The following OTUD7B variants were observed in gnomAD, a reference collection of about 807,000 sequenced individuals.
The protein encoded by OTUD7B is OTU deubiquitinase 7B, also known as OTU domain-containing protein 7B.
OTUD7B carries 34 observed loss-of-function variants against 82.2 expected under a neutral mutation model. That is an observed-to-expected ratio of 0.41 (90% CI 0.31 to 0.55). OTUD7B has a LOEUF of 0.55. Ranked by LOEUF, OTUD7B falls within the 20% of genes least tolerant of loss-of-function variation. The pLI is 0.20. For missense variants in OTUD7B, 944 were observed against 1,062.1 expected (o/e 0.89, Z 1.55); for synonymous variants, 398 against 402.7 (o/e 0.99, Z 0.14).
At chr1:149,988,558 T>G (rs1460335184) in intron 1 of OTUD7B, among the ~76,000 whole-genome samples, 4 of 152,142 alleles carry the variant, frequency 2.6e-5, no homozygotes, top group African/African-American at 9.7e-5. Flanking sequence ...TTTGGGAAAT[T>G]TAATAATTTG....
chr1:150,029,885 T>C, the OTUD7B span, among the ~76,000 whole-genome samples: 4 of 152,152 alleles, frequency 2.6e-5, no homozygotes, highest in Non-Finnish European at 5.9e-5. Context: ...ACCCCTCTTT[T>C]AGCACCACAG....
rs782233690 is a variant in OTUD7B at position 149,944,777 on chromosome 1, C to A, written c.1612G>T (p.Gly538Trp). The A allele has an allele frequency of 3.3e-5, 54 of 1,614,014 alleles. No homozygotes were observed. Among genetic ancestry groups the A allele is most frequent in the Non-Finnish European group, 4.5e-5 (53 of 1,180,038 alleles). Residue 538 changes from glycine (G) to tryptophan (W), a missense_variant, in exon 12 of 12, where the codon GGG (glycine) becomes TGG (tryptophan). Gly to Trp is a radical substitution (Grantham distance 184). This residue lies in a region of OTUD7B where 412 missense variants were observed against 418.7 expected (regional missense o/e 0.98). Transcript: ENST00000581312. Reference protein sequence around the residue: ...KGSKPGGVGTGLGGSSGTETL... With the variant: ...KGSKPGGVGTWLGGSSGTETL... ...TCAGTGCCGCTGCTTCCTCCCAACC[C>A]TGTCCCCACCCCTCCAGGCTTTGAA...
chr1:150,061,836 A>G, the OTUD7B span, among the ~76,000 whole-genome samples: 35 of 152,212 alleles, frequency 2.3e-4, no homozygotes, highest in Admixed American at 2.2e-3. Context: ...ATTCACTGTA[A>G]GTTTCCTCCT....
chr1:150,002,356 A>G (rs1324944270), intron 1 of OTUD7B, among the ~76,000 whole-genome samples: 1 of 152,192 alleles, frequency 6.6e-6, no homozygotes, highest in Non-Finnish European at 1.5e-5. Context: ...CAACAAAACA[A>G]ATACCTTGAC....
chr1:150,035,677 A>G, the OTUD7B span, among the ~76,000 whole-genome samples: 10 of 152,208 alleles, frequency 6.6e-5, 1 homozygote, highest in African/African-American at 2.2e-4. Context: ...GAACAGTGCT[A>G]GGTAGGGGGA....
Position 149,967,434 on chromosome 1 carries a change from C to T in OTUD7B, c.362G>A (p.Gly121Glu), listed in dbSNP as rs907247627. ...RSHVSSNGGG[G>E]GSNEHPLEMP... Reference sequence around the variant, plus strand: ...TTCCAGGGGGTGCTCATTGCTCCCCCCACCCCCACCATTGGAGGAGACATG... The same window carrying T: ...TTCCAGGGGGTGCTCATTGCTCCCCTCACCCCCACCATTGGAGGAGACATG... The change falls in exon 4 of 12, where the codon GGG becomes GAG. Residue 121 changes from glycine (G) to glutamate (E), a missense_variant. By Grantham distance (98) the Gly-to-Glu change is moderately conservative (BLOSUM62 -2). Around this residue, in one of 3 missense-constraint regions of OTUD7B, gnomAD observed 530 missense variants for 625.6 expected, o/e 0.85. Transcript: ENST00000581312. 1 of 1,613,920 alleles carries T rather than the reference C, an allele frequency of 6.2e-7. No individual in the cohort carries two copies. Among genetic ancestry groups the T allele is most frequent in the Admixed American group, 1.7e-5 (1 of 59,996 alleles).
intron 5 of OTUD7B, 150 bp from the exon 6 acceptor site, chr1:149,964,499 T>C (rs781999717): frequency 1.2e-5 from 8 of 647,780 alleles, no homozygotes; most frequent in African/African-American, 3.7e-5. Context: ...CCCAAAGTGC[T>C]GGGATTATAG....
chr1:150,006,614 T>C (rs1652691065), intron 1 of OTUD7B, among the ~76,000 whole-genome samples: 1 of 152,240 alleles, frequency 6.6e-6, no homozygotes. Context: ...GAAATGTCTT[T>C]GTTAAGTTCT....
chr1:150,001,918 T>C (rs782091301), intron 1 of OTUD7B, among the ~76,000 whole-genome samples: 17 of 152,220 alleles, frequency 1.1e-4, no homozygotes, highest in Non-Finnish European at 2.2e-4. Context: ...TCTAAGGACT[T>C]AGAGGATGCC....
At chr1:149,972,223 A>T (rs1649988534) in intron 2 of OTUD7B, among the ~76,000 whole-genome samples, 3 of 152,230 alleles carry the variant, frequency 2.0e-5, no homozygotes, top group Admixed American at 2.0e-4. Context: ...TGAAGATTAG[A>T]TGAGTTGAAA....
chr1:149,952,989 C>T (rs1420337337), intron 7 of OTUD7B, among the ~76,000 whole-genome samples: 3 of 152,142 alleles, frequency 2.0e-5, no homozygotes, highest in African/African-American at 7.2e-5. Context: ...TTCTCCCATT[C>T]TGTAGGTTGC....
intron 9 of OTUD7B, 150 bp from the exon 10 acceptor site, chr1:149,949,233 T>C: frequency 1.6e-6 from 1 of 609,930 alleles, no homozygotes; most frequent in Non-Finnish European, 2.9e-6. Context: ...TAAAACTAAT[T>C]GGCTAGTTTT....
the OTUD7B span, among the ~76,000 whole-genome samples, chr1:150,046,226 A>AC: frequency 1.3e-5 from 2 of 152,062 alleles, no homozygotes; most frequent in Non-Finnish European, 2.9e-5. Flanking sequence ...GGAGAAATGC[A>AC]ATCTTCCCCC....
chr1:149,999,603 C>T (rs1237464689), intron 1 of OTUD7B, among the ~76,000 whole-genome samples: 2 of 152,178 alleles, frequency 1.3e-5, no homozygotes, highest in African/African-American at 2.4e-5. Context: ...GTGGCACACA[C>T]CTATAGTCCC....
At chr1:150,061,464 G>C in the OTUD7B span, among the ~76,000 whole-genome samples, 1 of 152,072 alleles carries the variant, frequency 6.6e-6, no homozygotes, top group African/African-American at 2.4e-5. Context: ...CGGACATTTA[G>C]GTTGTTTTCA....
At chr1:149,951,001 T>TTTTTG (rs1388877490) in intron 7 of OTUD7B, among the ~76,000 whole-genome samples, 5,738 of 63,740 alleles carry the variant, frequency 0.09, 2,340 homozygotes, top group African/African-American at 0.15. Flanking sequence ...TTTTTTTTTG[T>TTTTTG]AGATGGAGTC....
the OTUD7B span, among the ~76,000 whole-genome samples, chr1:150,038,576 G>A: frequency 3.3e-5 from 5 of 150,710 alleles, no homozygotes; most frequent in South Asian, 2.1e-4. Context: ...TAGTAGAGAC[G>A]GGATTTCGTC....
chr1:149,981,042 C>T (rs1553779541), intron 1 of OTUD7B, among the ~76,000 whole-genome samples: 1 of 120,594 alleles, frequency 8.3e-6, no homozygotes, highest in African/African-American at 3.2e-5. Flanking sequence ...AAAAAAAAAG[C>T]AAACCAAACA....
chr1:150,014,046 G>A (rs1553787993), upstream of OTUD7B, among the ~76,000 whole-genome samples: 2 of 110,638 alleles, frequency 1.8e-5, no homozygotes, highest in African/African-American at 6.9e-5. Flanking sequence ...GTATATATGT[G>A]TGTGTATATA....
Sources: gnomAD v4.1 joint callset for allele counts (sites outside exome capture counted in the v4.1 genomes callset) on GRCh38, gnomAD v4.1.1 for gene constraint, gnomAD v4.1.1 regional missense constraint, MANE v1.5 for transcripts, NCBI Gene and HGNC (gene_info 2026-07-23, HGNC 2026-07-21) for gene names.